The following PACSIN2 variants were observed in gnomAD, a reference collection of about 807,000 sequenced individuals.
The protein encoded by PACSIN2 is protein kinase C and casein kinase substrate in neurons 2.
PACSIN2 carries 25 observed loss-of-function variants against 63.8 expected under a neutral mutation model. The observed-to-expected ratio is 0.39, with a 90% CI of 0.29 to 0.55. The LOEUF is 0.55. Ranked by LOEUF, PACSIN2 falls within the 20% of genes least tolerant of loss-of-function variation. PACSIN2 has a pLI of 0.62. For synonymous variants in PACSIN2, 255 were observed against 256.2 expected (o/e 1.00, Z 0.05); for missense variants, 518 against 646.9 (o/e 0.80, Z 2.16).
At chr22:42,997,566 AC>A (rs923006963) in intron 1 of PACSIN2, among the ~76,000 whole-genome samples, 3 of 150,532 alleles carry the variant, frequency 2.0e-5, no homozygotes, top group African/African-American at 2.5e-5. Flanking sequence ...AAAAAAAAAA[AC>A]AATAAATAAT....
At chr22:42,966,866 T>C (rs1308088285) in intron 1 of PACSIN2, among the ~76,000 whole-genome samples, 1 of 152,192 alleles carries the variant, frequency 6.6e-6, no homozygotes, top group Admixed American at 6.5e-5. Context: ...GGTGAGTCTG[T>C]GGGTATTTTC....
chr22:42,925,916 T>C (rs1932507394), intron 1 of PACSIN2, among the ~76,000 whole-genome samples: 1 of 152,124 alleles, frequency 6.6e-6, no homozygotes, highest in Admixed American at 6.5e-5. Flanking sequence ...GCTCGGGCTA[T>C]TCATGTATGT....
intron 1 of PACSIN2, among the ~76,000 whole-genome samples, 161 bp from the exon 2 acceptor site, chr22:42,912,318 C>T (rs142962979): frequency 6.6e-6 from 1 of 152,308 alleles, no homozygotes; most frequent in Non-Finnish European, 1.5e-5. Flanking sequence ...CTCTAATCAA[C>T]TCTGGGCACA....
At chr22:42,985,058 G>C (rs1922509134) in intron 1 of PACSIN2, among the ~76,000 whole-genome samples, 1 of 152,226 alleles carries the variant, frequency 6.6e-6, no homozygotes, top group Non-Finnish European at 1.5e-5. Context: ...GCTGGGTGTG[G>C]TGGCTCACGC....
chr22:43,006,277 C>G (rs911426122), intron 1 of PACSIN2, among the ~76,000 whole-genome samples: 1 of 152,164 alleles, frequency 6.6e-6, no homozygotes, highest in Admixed American at 6.5e-5. Context: ...GTTTACAAGC[C>G]ACCGCATCTT....
At chr22:42,938,959 T>C (rs891275018) in intron 1 of PACSIN2, among the ~76,000 whole-genome samples, 3 of 152,198 alleles carry the variant, frequency 2.0e-5, no homozygotes, top group Admixed American at 2.0e-4. Context: ...AACATCTTTA[T>C]AGGTCAAAGG....
intron 1 of PACSIN2, among the ~76,000 whole-genome samples, chr22:42,951,646 G>A (rs1407435258): frequency 1.3e-5 from 2 of 152,116 alleles, no homozygotes; most frequent in Non-Finnish European, 2.9e-5. Context: ...CTCCTCTCAT[G>A]TCCACATAAC....
intron 1 of PACSIN2, among the ~76,000 whole-genome samples, chr22:43,012,165 A>G: frequency 8.3e-6 from 1 of 121,164 alleles, no homozygotes; most frequent in East Asian, 2.1e-4. Context: ...ATACATACAT[A>G]CATACATACA....
At chr22:42,981,382 C>T (rs1922107511) in intron 1 of PACSIN2, among the ~76,000 whole-genome samples, 1 of 141,912 alleles carries the variant, frequency 7.0e-6, no homozygotes, top group Non-Finnish European at 1.5e-5. Context: ...CCCGACCAGC[C>T]GCCCCGTCCG....
At chr22:42,979,313 C>T (rs1921911135) in intron 1 of PACSIN2, among the ~76,000 whole-genome samples, 1 of 151,964 alleles carries the variant, frequency 6.6e-6, no homozygotes, top group Admixed American at 6.6e-5. Flanking sequence ...CACCTAAGAT[C>T]GGGAGTTTGA....
At chr22:42,991,563 G>C (rs956329759) in intron 1 of PACSIN2, among the ~76,000 whole-genome samples, 1 of 152,214 alleles carries the variant, frequency 6.6e-6, no homozygotes, top group African/African-American at 2.4e-5. Flanking sequence ...GGAATCCAGC[G>C]GGCATCGCCC....
chr22:42,982,887 A>AC (rs1555943673), intron 1 of PACSIN2, among the ~76,000 whole-genome samples: 2 of 129,498 alleles, frequency 1.5e-5, no homozygotes, highest in Non-Finnish European at 3.4e-5. Flanking sequence ...AAAAAAAAAA[A>AC]AAACAACAAC....
At chr22:42,975,833 T>C (rs1921665806) in intron 1 of PACSIN2, among the ~76,000 whole-genome samples, 2 of 152,156 alleles carry the variant, frequency 1.3e-5, no homozygotes, top group African/African-American at 4.8e-5. Context: ...TCACCTCTTA[T>C]TTTACATGAA....
At chr22:42,968,799 A>AC (rs1163509812) in intron 1 of PACSIN2, among the ~76,000 whole-genome samples, 2 of 152,162 alleles carry the variant, frequency 1.3e-5, no homozygotes, top group Non-Finnish European at 1.5e-5. Flanking sequence ...GGGCCACGGA[A>AC]CCCCAAGCTT....
chr22:42,960,769 C>G (rs1437847638), intron 1 of PACSIN2, among the ~76,000 whole-genome samples: 1 of 152,186 alleles, frequency 6.6e-6, no homozygotes, highest in Non-Finnish European at 1.5e-5. Context: ...GGCTCTTAAA[C>G]TGGCTATGGG....
intron 2 of PACSIN2, chr22:42,909,651 T>C (rs981687640): frequency 4.3e-6 from 2 of 466,264 alleles, no homozygotes; most frequent in Admixed American, 4.8e-5. Context: ...TCTTGTCTAC[T>C]GACATTATTG....
At chr22:42,970,653 G>A (rs1262499331) in intron 1 of PACSIN2, among the ~76,000 whole-genome samples, 3 of 152,166 alleles carry the variant, frequency 2.0e-5, no homozygotes, top group Non-Finnish European at 4.4e-5. Flanking sequence ...TTGCAAAAAG[G>A]AGTCAGGGAC....
In PACSIN2 at chr22:42,930,925, C is replaced by A. The variant is rs573612900; in HGVS notation, c.-77-18768G>T. Among the ~76,000 whole-genome samples, 36 of 152,324 alleles carry A rather than the reference C, an allele frequency of 2.4e-4. No homozygotes were observed. The Middle Eastern group carries it at 0.014, about 58-fold the overall frequency. On this transcript the variant is annotated intron_variant, in intron 1 of 10. Transcript: ENST00000263246. ...CATGAGACACAGGCAACAAAAGACA[C>A]CAAGGAAAGGCAGAGGTGAGTCACG...
chr22:42,904,967 C>T (rs1195403752), intron 2 of PACSIN2, among the ~76,000 whole-genome samples: 1 of 152,172 alleles, frequency 6.6e-6, no homozygotes, highest in Non-Finnish European at 1.5e-5. Flanking sequence ...ACGGACCCCA[C>T]CGGCTCTAAA....
Sources: gnomAD v4.1 joint callset for allele counts (sites outside exome capture counted in the v4.1 genomes callset) on GRCh38, gnomAD v4.1.1 for gene constraint, MANE v1.5 for transcripts, NCBI Gene and HGNC (gene_info 2026-07-23, HGNC 2026-07-21) for gene names.